The following ANK3 variants were observed in gnomAD, a reference collection of about 807,000 sequenced individuals.
The protein encoded by ANK3 is ankyrin-3.
In ANK3, 57 loss-of-function variants were observed where a neutral mutation model predicts 370.9. That is an observed-to-expected ratio of 0.15 (90% CI 0.12 to 0.19). The LOEUF is 0.19. Ranked by LOEUF, ANK3 falls within the 10% of genes least tolerant of loss-of-function variation. The probability of loss-of-function intolerance (pLI) is 1.00; values close to 1 mark genes in which losing one functional copy is unlikely to be tolerated. For synonymous variants in ANK3, 1,929 were observed against 1,946.3 expected, an observed-to-expected ratio of 0.99 and a Z score of 0.23; for missense variants, 4,439 against 5,302.1, an observed-to-expected ratio of 0.84 and a Z score of 5.06.
At chr10:60,204,556 TGCAG>T (rs1264938533) in intron 11 of ANK3, among the ~76,000 whole-genome samples, 1 of 152,194 alleles carries the variant, frequency 6.6e-6, no homozygotes, top group Non-Finnish European at 1.5e-5. Context: ...ATATTCCATT[TGCAG>T]GCAAGAAACT....
At chr10:60,215,915 T>C (rs1388371480) in intron 8 of ANK3, among the ~76,000 whole-genome samples, 2 of 152,232 alleles carry the variant, frequency 1.3e-5, no homozygotes, top group Non-Finnish European at 2.9e-5. Flanking sequence ...GGGAATAGCA[T>C]TGAATCAATA....
chr10:60,658,708 T>C (rs1191109909), intron 1 of ANK3, among the ~76,000 whole-genome samples: 1 of 152,108 alleles, frequency 6.6e-6, no homozygotes, highest in African/African-American at 2.4e-5. Flanking sequence ...CAAATGTTCT[T>C]GTTTCTTTGT....
chr10:60,194,763 T>C (rs1204361416), intron 16 of ANK3, among the ~76,000 whole-genome samples: 2 of 152,210 alleles, frequency 1.3e-5, no homozygotes, highest in Admixed American at 1.3e-4. Context: ...ATAGAAAGAA[T>C]GTTTGTCAGG....
intron 28 of ANK3, among the ~76,000 whole-genome samples, chr10:60,094,598 A>C (rs916120784): frequency 1.3e-5 from 2 of 152,202 alleles, no homozygotes; most frequent in African/African-American, 4.8e-5. Flanking sequence ...AATATACAAA[A>C]AGTATTACTT....
intron 1 of ANK3, among the ~76,000 whole-genome samples, chr10:60,311,868 T>A (rs764122821): frequency 2.0e-5 from 3 of 152,200 alleles, no homozygotes; most frequent in Non-Finnish European, 4.4e-5. Flanking sequence ...ATCACTACCA[T>A]ATCACCCTTA....
intron 7 of ANK3, among the ~76,000 whole-genome samples, chr10:60,245,209 G>A (rs1244807308): frequency 6.6e-6 from 1 of 151,988 alleles, no homozygotes; most frequent in Admixed American, 6.6e-5. Flanking sequence ...TATAGGTTTT[G>A]ATACAATGTA....
rs183420266 is a variant in ANK3, at chr10:60,275,085, C to T, written c.414+3689G>A. Among the ~76,000 whole-genome samples the T allele has an allele frequency of 5.5e-3, 842 of 152,286 alleles. 8 individuals carry two copies. Among genetic ancestry groups the T allele is most frequent in the African/African-American group, 0.019 (806 of 41,568 alleles). On this transcript the variant is annotated intron_variant, in intron 4 of 43. Coordinates refer to ENST00000280772, the MANE Select transcript of ANK3 (RefSeq NM_020987.5). ...CAAAATAAGAGAAAAAAGTACACCA[C>T]TGTTTTTATAACAATTTCCTAACTT...
intron 1 of ANK3, among the ~76,000 whole-genome samples, chr10:60,667,055 T>TA (rs35468330): frequency 0.041 from 6,202 of 151,622 alleles, 159 homozygotes; most frequent in Middle Eastern, 0.073. Context: ...TACACTACTG[T>TA]AAAAAAAATT....
chr10:60,408,859 T>C (rs1567016628), intron 2 of ANK3, among the ~76,000 whole-genome samples: 2 of 152,162 alleles, frequency 1.3e-5, no homozygotes, highest in Non-Finnish European at 2.9e-5. Flanking sequence ...GCCAGGCTTT[T>C]ATATGAACTC....
rs1434332763 is a variant in ANK3 at position 60,516,774 on chromosome 10, C to CT, written c.96+98411dup. Among the ~76,000 whole-genome samples, 8 of 152,158 alleles carry CT rather than the reference C, an allele frequency of 5.3e-5. No homozygotes were observed. In the South Asian group the frequency reaches 1.7e-3, roughly 32 times the overall value. ...GTCTGGGCAACATAGCAAGACCCTACTTTGTACATTTTTTTTAAAATGCAC... is the reference window on the plus strand; with the variant it reads ...GTCTGGGCAACATAGCAAGACCCTACTTTTGTACATTTTTTTTAAAATGCAC... On this transcript the variant is annotated intron_variant, in intron 2 of 43. Transcript: ENST00000373827.
Position 60,069,311 on chromosome 10 carries a change from A to G in ANK3, c.11570T>C (p.Ile3857Thr). The change falls in exon 37 of 44, where the codon ATA (isoleucine) becomes ACA (threonine). Residue 3857 changes from isoleucine to threonine, a missense_variant. Ile to Thr is a moderately conservative substitution (Grantham distance 89, BLOSUM62 -1). Coordinates refer to ENST00000280772, the MANE Select transcript of ANK3 (RefSeq NM_020987.5). ...AAGTTTGGATTTTTGCCTAATCCCT[A>G]TCAATTCCTTTGTTTTTTGCTGTTC... is the stretch of plus-strand genomic sequence containing the variant. ...LGEQQKTKELIGIRQKSKLPI... is the reference protein window; with the variant it reads ...LGEQQKTKELTGIRQKSKLPI... The G allele has an allele frequency of 1.2e-6, 2 of 1,614,074 alleles. No individual in the cohort carries two copies. The highest frequency in any genetic ancestry group is 1.7e-6 in the Non-Finnish European group (2 of 1,179,990).
At chr10:60,320,755 A>G (rs2048455826) in intron 1 of ANK3, among the ~76,000 whole-genome samples, 3 of 152,192 alleles carry the variant, frequency 2.0e-5, no homozygotes, top group African/African-American at 7.2e-5. Context: ...GTTCGAGTTG[A>G]GAGAAAAGGT....
chr10:60,230,264 G>A (rs1017785720), intron 8 of ANK3, among the ~76,000 whole-genome samples: 3 of 152,144 alleles, frequency 2.0e-5, no homozygotes, highest in Non-Finnish European at 4.4e-5. Context: ...AAATACTCAC[G>A]CTAGCTTTAA....
At chr10:60,061,307 A>G (rs2080410829) in intron 40 of ANK3, among the ~76,000 whole-genome samples, 1 of 152,220 alleles carries the variant, frequency 6.6e-6, no homozygotes, top group African/African-American at 2.4e-5. Context: ...GAAATTTTGA[A>G]AAAGGAATTT....
chr10:60,195,592 G>T (rs1361787895), intron 16 of ANK3, among the ~76,000 whole-genome samples: 1 of 152,020 alleles, frequency 6.6e-6, no homozygotes, highest in African/African-American at 2.4e-5. Flanking sequence ...TCTTCTTTAT[G>T]ATTTGTCCCT....
chr10:60,196,237 G>T lies in ANK3; in HGVS notation c.1795C>A (p.Leu599Ile), dbSNP rs781602707. The T allele has an allele frequency of 3.0e-5, 48 of 1,613,722 alleles. No individual in the cohort carries two copies. The highest frequency in any genetic ancestry group is 4.0e-5 in the Non-Finnish European group (47 of 1,179,892). The change falls in exon 16 of 44, where the codon CTA becomes ATA. Residue 599 changes from leucine to isoleucine, a missense_variant. Leu to Ile is a conservative substitution (Grantham distance 5, BLOSUM62 2). Transcript: ENST00000280772. ...TGTGCAGCTACATGCAGTGGTGTTA[G>T]CCCGCTCTGAAAACACGTGCAGAAA... ...ASPDAAGKSG[L>I]TPLHVAAHYD...
chr10:60,453,077 G>T (rs1224687849), intron 2 of ANK3, among the ~76,000 whole-genome samples: 1 of 152,220 alleles, frequency 6.6e-6, no homozygotes, highest in African/African-American at 2.4e-5. Flanking sequence ...TCTAGGGGAA[G>T]TTGCACAGTG....
intron 2 of ANK3, among the ~76,000 whole-genome samples, chr10:60,426,366 T>C (rs1036372821): frequency 6.6e-6 from 1 of 152,160 alleles, no homozygotes; most frequent in Non-Finnish European, 1.5e-5. Flanking sequence ...GTTGCGATAC[T>C]ACTGTCTTCT....
chr10:60,479,408 T>G (rs537728121), intron 2 of ANK3, among the ~76,000 whole-genome samples: 1 of 152,154 alleles, frequency 6.6e-6, no homozygotes, highest in East Asian at 1.9e-4. Context: ...AGGTGTGTAG[T>G]AGGCTATACC....
Sources: allele counts gnomAD v4.1 joint callset (sites outside exome capture counted in the v4.1 genomes callset), GRCh38; gene constraint gnomAD v4.1.1; transcripts MANE v1.5; gene names NCBI Gene and HGNC (gene_info 2026-07-23, HGNC 2026-07-21).